PTPRN2: variants seen among roughly 807,000 people sequenced by gnomAD.
PTPRN2 encodes the protein protein tyrosine phosphatase receptor type N2, also known as receptor-type tyrosine-protein phosphatase N2.
A neutral mutation model predicts 118.8 loss-of-function variants in PTPRN2; 74 were observed. The ratio of observed to expected loss-of-function variants is 0.62; its 90% CI spans 0.52 to 0.76. The LOEUF is 0.76. PTPRN2 is among the 30% of genes least tolerant of loss of function. The pLI is 0.00. For missense variants in PTPRN2, 1,481 were observed against 1,394.4 expected, an observed-to-expected ratio of 1.06 and a Z score of -0.99; for synonymous variants, 641 against 608.0, an observed-to-expected ratio of 1.05 and a Z score of -0.80.
chr7:158,025,667 G>T (rs1005536733), intron 11 of PTPRN2, among the ~76,000 whole-genome samples: 1 of 152,178 alleles, frequency 6.6e-6, no homozygotes, highest in South Asian at 2.1e-4. Flanking sequence ...TTATCAGTTG[G>T]ATATCGGCAA....
At chr7:157,540,825 C>T (rs758424811) in intron 22 of PTPRN2, 40 bp from the exon 23 acceptor site, 25 of 1,492,438 alleles carry the variant, frequency 1.7e-5, no homozygotes, top group African/African-American at 8.4e-5. Context: ...ATGAGAGCGG[C>T]GTCCCCCCGA....
chr7:157,898,253 A>G (rs1434984015), intron 12 of PTPRN2, among the ~76,000 whole-genome samples: 31 of 152,246 alleles, frequency 2.0e-4, no homozygotes, highest in Admixed American at 2.0e-3. Flanking sequence ...TGCCTCTCCC[A>G]AATGTGCGTC....
At chr7:158,255,070 G>A (rs756066714) in intron 3 of PTPRN2, among the ~76,000 whole-genome samples, 2 of 152,156 alleles carry the variant, frequency 1.3e-5, no homozygotes, top group Non-Finnish European at 2.9e-5. Context: ...TTTGTATAGA[G>A]GTTCCTGTCT....
chr7:158,157,802 C>T lies in PTPRN2; in HGVS notation c.910+9129G>A, dbSNP rs992690795. On this transcript the variant is annotated intron_variant, in intron 6 of 22. Transcript: ENST00000389418. ...GCGCCTGCTCCCCTGGGAGAGAGTG[C>T]GCTGCTGCTGACTCCACGGTGTGCT... 8.5e-5 allele frequency among the ~76,000 whole-genome samples: 13 copies of T among 152,228 alleles called. 1 individual carries two copies. The highest frequency in any genetic ancestry group is 1.2e-4 in the African/African-American group (5 of 41,460).
At chr7:157,984,041 A>G (rs1803522573) in intron 11 of PTPRN2, among the ~76,000 whole-genome samples, 3 of 152,234 alleles carry the variant, frequency 2.0e-5, no homozygotes, top group South Asian at 4.1e-4. Context: ...TCTGCCTGAC[A>G]GGGTGCACTT....
chr7:158,147,426 T>A (rs13226846), intron 6 of PTPRN2, among the ~76,000 whole-genome samples: 1 of 13,930 alleles, frequency 7.2e-5, no homozygotes, highest in Non-Finnish European at 1.1e-4. Context: ...CCCCATCTCA[T>A]GCCACACGTC....
chr7:158,097,470 A>T (rs1385031330), intron 10 of PTPRN2, among the ~76,000 whole-genome samples: 1 of 152,208 alleles, frequency 6.6e-6, no homozygotes, highest in East Asian at 1.9e-4. Context: ...TGATCACAGA[A>T]TTAGGCTGCG....
At chr7:157,667,965 C>T (rs1007893043) in intron 13 of PTPRN2, among the ~76,000 whole-genome samples, 2 of 152,252 alleles carry the variant, frequency 1.3e-5, no homozygotes, top group African/African-American at 2.4e-5. Flanking sequence ...GGACCATCCC[C>T]GCAGGACAGT....
intron 19 of PTPRN2, among the ~76,000 whole-genome samples, chr7:157,572,585 C>T (rs941622270): frequency 1.3e-5 from 2 of 152,196 alleles, no homozygotes; most frequent in African/African-American, 2.4e-5. Flanking sequence ...TTGAATACGG[C>T]GGAGCCCAAA....
In PTPRN2 at chr7:158,242,968, C is replaced by T. The variant is rs1408047529; in HGVS notation, c.278-37695G>A. On this transcript the variant is annotated intron_variant, in intron 3 of 22. Coordinates refer to ENST00000389418, the MANE Select transcript of PTPRN2 (RefSeq NM_002847.5). The stretch of plus-strand genomic sequence containing the variant: ...TTTGTGTCTTTTCAACAAAACAACT[C>T]CCAATTTTGATGATCTTTCCTATTG... Among the ~76,000 whole-genome samples, 3 of 152,168 alleles carry T rather than the reference C, an allele frequency of 2.0e-5. No homozygotes were observed. The East Asian group carries it at 5.8e-4, about 29-fold the overall frequency.
chr7:158,065,747 A>C (rs1398933275), intron 11 of PTPRN2, among the ~76,000 whole-genome samples: 1 of 152,256 alleles, frequency 6.6e-6, no homozygotes, highest in Non-Finnish European at 1.5e-5. Flanking sequence ...GACCTTAAAA[A>C]AAACCATATT....
At chr7:157,906,845 G>A (rs1797799456) in intron 11 of PTPRN2, among the ~76,000 whole-genome samples, 1 of 152,130 alleles carries the variant, frequency 6.6e-6, no homozygotes. Flanking sequence ...CCTCTAGACT[G>A]GGGGCTCGCC....
intron 12 of PTPRN2, among the ~76,000 whole-genome samples, chr7:157,712,507 T>G (rs1490840879): frequency 1.3e-5 from 2 of 151,770 alleles, no homozygotes; most frequent in Admixed American, 1.3e-4. Flanking sequence ...TCCCAGCACT[T>G]TGGGAGGCTG....
chr7:158,102,021 C>G (rs750177318), intron 10 of PTPRN2, among the ~76,000 whole-genome samples: 1 of 152,166 alleles, frequency 6.6e-6, no homozygotes, highest in Non-Finnish European at 1.5e-5. Flanking sequence ...CCCTGGGGCC[C>G]CTCTCCTGTC....
intron 2 of PTPRN2, among the ~76,000 whole-genome samples, chr7:158,456,148 C>T (rs1323551984): frequency 2.0e-5 from 3 of 150,580 alleles, no homozygotes; most frequent in Non-Finnish European, 4.4e-5. Flanking sequence ...AAGATAACGG[C>T]ATGGACGCCA....
At chr7:157,836,916 T>C (rs893617781) in intron 12 of PTPRN2, among the ~76,000 whole-genome samples, 9 of 147,804 alleles carry the variant, frequency 6.1e-5, no homozygotes, top group African/African-American at 2.2e-4. Context: ...CCACCCACCC[T>C]GCACTCACCA....
chr7:158,166,800 C>G, intron 6 of PTPRN2, 131 bp downstream of exon 6: 2 of 1,206,154 alleles, frequency 1.7e-6, no homozygotes, highest in Non-Finnish European at 2.2e-6. Flanking sequence ...GTGCCCCATT[C>G]CTGCCACGCG....
chr7:157,894,990 C>T (rs1797017308), intron 12 of PTPRN2, among the ~76,000 whole-genome samples: 1 of 152,088 alleles, frequency 6.6e-6, no homozygotes, highest in Non-Finnish European at 1.5e-5. Flanking sequence ...ATCACCAATC[C>T]CTGCTGAGGG....
intron 12 of PTPRN2, among the ~76,000 whole-genome samples, chr7:157,832,396 A>C (rs1585578767): frequency 6.6e-6 from 1 of 152,184 alleles, no homozygotes; most frequent in Non-Finnish European, 1.5e-5. Context: ...TGTAAACTGG[A>C]GACAGAATAC....
Sources: allele counts gnomAD v4.1 joint callset (sites outside exome capture counted in the v4.1 genomes callset), GRCh38; gene constraint gnomAD v4.1.1; transcripts MANE v1.5; gene names NCBI Gene and HGNC (gene_info 2026-07-23, HGNC 2026-07-21).